The following GALNT13 variants were observed in gnomAD, a reference collection of about 807,000 sequenced individuals.
The protein encoded by GALNT13 is polypeptide N-acetylgalactosaminyltransferase 13, also known as UDP-GalNAc:polypeptide N-acetylgalactosaminyltransferase 13.
A neutral mutation model predicts 64.2 loss-of-function variants in GALNT13; 28 were observed. The ratio of observed to expected loss-of-function variants is 0.44; its 90% CI spans 0.32 to 0.60. GALNT13 has a LOEUF of 0.60. GALNT13 is among the 20% of genes least tolerant of loss of function. The pLI is 0.05. For synonymous variants in GALNT13, 214 were observed against 224.6 expected, an observed-to-expected ratio of 0.95 and a Z score of 0.42; for missense variants, 577 against 669.8, an observed-to-expected ratio of 0.86 and a Z score of 1.53.
the GALNT13 span, among the ~76,000 whole-genome samples, chr2:153,197,075 T>C: frequency 4.0e-5 from 6 of 151,756 alleles, no homozygotes; most frequent in Non-Finnish European, 8.8e-5. Context: ...TGAGTGTAGG[T>C]GGTGGTGGTG....
chr2:154,236,762 A>T (rs1434039358), intron 4 of GALNT13, among the ~76,000 whole-genome samples: 1 of 152,102 alleles, frequency 6.6e-6, no homozygotes, highest in Non-Finnish European at 1.5e-5. Context: ...AGATGTTTAC[A>T]TAAAAGAAAA....
At chr2:154,017,947 G>T (rs16835647) in intron 3 of GALNT13, among the ~76,000 whole-genome samples, 3 of 151,996 alleles carry the variant, frequency 2.0e-5, no homozygotes, top group African/African-American at 7.3e-5. Flanking sequence ...TTTTTGACAC[G>T]TCCACTGCTT....
At chr2:153,616,951 A>G in the GALNT13 span, among the ~76,000 whole-genome samples, 6 of 152,012 alleles carry the variant, frequency 3.9e-5, no homozygotes, top group African/African-American at 1.4e-4. Context: ...TATATAAAGC[A>G]AATATCATTA....
the GALNT13 span, among the ~76,000 whole-genome samples, chr2:153,859,533 A>C: frequency 6.6e-6 from 1 of 152,166 alleles, no homozygotes; most frequent in Non-Finnish European, 1.5e-5. Context: ...AAATATAACA[A>C]ATTGTTTCAT....
the GALNT13 span, among the ~76,000 whole-genome samples, chr2:153,335,330 A>G: frequency 2.0e-5 from 3 of 152,210 alleles, no homozygotes; most frequent in African/African-American, 7.2e-5. Flanking sequence ...GAAGAGCTCA[A>G]AAAAGACAGG....
rs949351510 is a variant in GALNT13, at chr2:154,410,106, G to A, written c.1395+1024G>A. Among the ~76,000 whole-genome samples, 10 of 151,998 alleles carry A rather than the reference G, an allele frequency of 6.6e-5. No individual in the cohort carries two copies. The East Asian group carries it at 1.7e-3, about 27-fold the overall frequency. On this transcript the variant is annotated intron_variant, in intron 11 of 12. Transcript: ENST00000392825. Reference sequence around the variant, plus strand: ...ATTTAAACCAAATTTCTAAATTACAGCATGGGAAATTGACCTTATGGAGGA... The same window carrying A: ...ATTTAAACCAAATTTCTAAATTACAACATGGGAAATTGACCTTATGGAGGA...
At chr2:154,026,113 T>C (rs1334168916) in intron 3 of GALNT13, among the ~76,000 whole-genome samples, 1 of 152,184 alleles carries the variant, frequency 6.6e-6, no homozygotes, top group Admixed American at 6.6e-5. Flanking sequence ...AAGATTTATT[T>C]CTCAGGCATA....
intron 9 of GALNT13, among the ~76,000 whole-genome samples, chr2:154,362,784 A>T (rs533501830): frequency 2.6e-4 from 40 of 152,280 alleles, no homozygotes; most frequent in African/African-American, 9.4e-4. Flanking sequence ...GTGGCCAAAT[A>T]GCTATTGCAT....
chr2:154,256,157 G>A (rs1298283134), intron 7 of GALNT13, among the ~76,000 whole-genome samples: 1 of 152,052 alleles, frequency 6.6e-6, no homozygotes, highest in East Asian at 1.9e-4. Context: ...ATGTGGACTT[G>A]TCCTATAACC....
chr2:153,404,073 A>G, the GALNT13 span, among the ~76,000 whole-genome samples: 1 of 152,186 alleles, frequency 6.6e-6, no homozygotes, highest in Non-Finnish European at 1.5e-5. Flanking sequence ...AGTTGTAATA[A>G]ATACTGATGT....
chr2:153,788,972 G>C, the GALNT13 span, among the ~76,000 whole-genome samples: 3 of 152,048 alleles, frequency 2.0e-5, no homozygotes, highest in African/African-American at 7.2e-5. Flanking sequence ...GACCTTCAAA[G>C]ACACTTATAT....
chr2:154,006,028 A>G (rs996929676), intron 3 of GALNT13, among the ~76,000 whole-genome samples: 1 of 152,200 alleles, frequency 6.6e-6, no homozygotes, highest in African/African-American at 2.4e-5. Flanking sequence ...ACATTCATTA[A>G]GTAGGCACAC....
intron 3 of GALNT13, among the ~76,000 whole-genome samples, chr2:154,016,081 C>T (rs1369360420): frequency 6.6e-6 from 1 of 152,112 alleles, no homozygotes; most frequent in Non-Finnish European, 1.5e-5. Flanking sequence ...TCACTTTGGA[C>T]AAATATCTGA....
the GALNT13 span, among the ~76,000 whole-genome samples, chr2:153,556,650 T>G: frequency 1.3e-5 from 2 of 152,214 alleles, no homozygotes; most frequent in South Asian, 4.1e-4. Flanking sequence ...AGCCAGCAGG[T>G]AATACAAGTG....
intron 1 of GALNT13, among the ~76,000 whole-genome samples, chr2:153,876,202 TACACACACACACACACAC>T (rs56256669): frequency 6.7e-6 from 1 of 148,622 alleles, no homozygotes; most frequent in African/African-American, 2.5e-5. Flanking sequence ...CCCCCCACAC[TACACACACACACACACAC>T]ACACACACAC....
chr2:154,151,512 C>G (rs1409835058), intron 4 of GALNT13, among the ~76,000 whole-genome samples: 1 of 152,050 alleles, frequency 6.6e-6, no homozygotes, highest in Non-Finnish European at 1.5e-5. Context: ...GTTGATCTGT[C>G]TAATGTTGAC....
chr2:153,255,719 C>T, the GALNT13 span, among the ~76,000 whole-genome samples: 1 of 152,142 alleles, frequency 6.6e-6, no homozygotes, highest in Non-Finnish European at 1.5e-5. Context: ...TTGTCCTTCA[C>T]TTATGAAGCT....
chr2:153,569,844 T>C, the GALNT13 span, among the ~76,000 whole-genome samples: 1 of 152,144 alleles, frequency 6.6e-6, no homozygotes, highest in Non-Finnish European at 1.5e-5. Flanking sequence ...AATCCCACAC[T>C]ACCCTACCCA....
the GALNT13 span, among the ~76,000 whole-genome samples, chr2:153,518,931 A>C: frequency 6.6e-6 from 1 of 152,178 alleles, no homozygotes; most frequent in South Asian, 2.1e-4. Flanking sequence ...TGACTTGGGC[A>C]CAAAAGGGTG....
Sources: allele counts gnomAD v4.1 joint callset (sites outside exome capture counted in the v4.1 genomes callset), GRCh38; gene constraint gnomAD v4.1.1; transcripts MANE v1.5; gene names NCBI Gene and HGNC (gene_info 2026-07-23, HGNC 2026-07-21).